ARHGAP12: variants seen among roughly 807,000 people sequenced by gnomAD.
The protein encoded by ARHGAP12 is rho GTPase-activating protein 12.
In ARHGAP12, 64 loss-of-function variants were observed where a neutral mutation model predicts 108.6. The ratio of observed to expected loss-of-function variants is 0.59; its 90% CI spans 0.48 to 0.73. The LOEUF (loss-of-function observed/expected upper bound fraction) is 0.73. Ranked by LOEUF, ARHGAP12 falls within the 30% of genes least tolerant of loss-of-function variation. The pLI is 0.00. For synonymous variants in ARHGAP12, 312 were observed against 337.2 expected, an observed-to-expected ratio of 0.93 and a Z score of 0.82; for missense variants, 940 against 1,005.9, an observed-to-expected ratio of 0.93 and a Z score of 0.89.
intron 3 of ARHGAP12, among the ~76,000 whole-genome samples, chr10:31,892,980 C>G (rs1235701379): frequency 1.3e-5 from 2 of 152,128 alleles, no homozygotes; most frequent in African/African-American, 4.8e-5. Context: ...GGAAACTGAA[C>G]AACCTGCTCC....
At position 31,820,406 on chromosome 10, in the gene ARHGAP12, C is replaced by T. The variant is rs746506245; in HGVS notation, c.1613G>A (p.Ser538Asn). 1 of 1,610,934 alleles carries T rather than the reference C, an allele frequency of 6.2e-7. No homozygotes were observed. Among genetic ancestry groups the T allele is most frequent in the Admixed American group, 1.7e-5 (1 of 59,604 alleles). Residue 538 changes from serine (S) to asparagine (N), a missense_variant, in exon 12 of 20, where the codon AGC becomes AAC. Ser to Asn is a conservative substitution (Grantham distance 46). Coordinates refer to ENST00000344936, the MANE Select transcript of ARHGAP12 (RefSeq NM_018287.7). ...TATTACCTCAAATACATTCTTTTTG[C>T]TGGATTTATCCTTTGAAGCCATCTC... ...TIEMASKDKS[S>N]KKNVFELKTR...
At chr10:31,883,124 C>T (rs1838046880) in intron 3 of ARHGAP12, among the ~76,000 whole-genome samples, 1 of 151,710 alleles carries the variant, frequency 6.6e-6, no homozygotes, top group African/African-American at 2.4e-5. Context: ...GGAGAAACCC[C>T]ATCTCTACTA....
intron 4 of ARHGAP12, among the ~76,000 whole-genome samples, chr10:31,854,663 T>C (rs1836820484): frequency 6.6e-6 from 1 of 152,164 alleles, no homozygotes; most frequent in Non-Finnish European, 1.5e-5. Flanking sequence ...TCAATAAATA[T>C]ATCTCAGACT....
intron 3 of ARHGAP12, among the ~76,000 whole-genome samples, chr10:31,882,457 CT>C (rs1208866927): frequency 1.3e-5 from 2 of 152,050 alleles, no homozygotes; most frequent in Non-Finnish European, 2.9e-5. Flanking sequence ...GGCCAATAAA[CT>C]TTTATGTTAC....
intron 9 of ARHGAP12, among the ~76,000 whole-genome samples, chr10:31,838,907 C>A (rs1019391685): frequency 2.0e-5 from 3 of 149,938 alleles, no homozygotes; most frequent in Non-Finnish European, 4.4e-5. Context: ...GAGGCTGAGA[C>A]GGGAGAATCA....
At chr10:31,902,325 T>G (rs1433345404) in intron 3 of ARHGAP12, among the ~76,000 whole-genome samples, 1 of 139,410 alleles carries the variant, frequency 7.2e-6, no homozygotes, top group African/African-American at 2.7e-5. Flanking sequence ...TAGATATCCA[T>G]AGGCAAAAAA....
At chr10:31,863,776 C>CTG (rs1837221145) in intron 3 of ARHGAP12, among the ~76,000 whole-genome samples, 1 of 152,036 alleles carries the variant, frequency 6.6e-6, no homozygotes, top group Non-Finnish European at 1.5e-5. Flanking sequence ...CATAGATAAA[C>CTG]ACGATCATCT....
chr10:31,826,108 A>C (rs1835595057), intron 11 of ARHGAP12, among the ~76,000 whole-genome samples, 196 bp downstream of exon 11: 1 of 152,182 alleles, frequency 6.6e-6, no homozygotes, highest in Non-Finnish European at 1.5e-5. Flanking sequence ...TTTTAATAAC[A>C]CCACTAATTA....
At chr10:31,886,649 T>C (rs1009752767) in intron 3 of ARHGAP12, among the ~76,000 whole-genome samples, 1 of 152,226 alleles carries the variant, frequency 6.6e-6, no homozygotes, top group African/African-American at 2.4e-5. Flanking sequence ...CTGTGCTATA[T>C]GAACATTTAT....
chr10:31,888,129 G>T (rs1221534353), intron 3 of ARHGAP12, among the ~76,000 whole-genome samples: 1 of 152,102 alleles, frequency 6.6e-6, no homozygotes, highest in African/African-American at 2.4e-5. Context: ...ATACATATAC[G>T]TGGGAAGACC....
intron 3 of ARHGAP12, among the ~76,000 whole-genome samples, chr10:31,879,841 C>A (rs947728095): frequency 6.6e-6 from 1 of 152,212 alleles, no homozygotes; most frequent in Non-Finnish European, 1.5e-5. Flanking sequence ...ATTCCAAGTT[C>A]TTAATGGTTA....
At chr10:31,890,739 T>C (rs530144575) in intron 3 of ARHGAP12, among the ~76,000 whole-genome samples, 172 of 152,292 alleles carry the variant, frequency 1.1e-3, no homozygotes, top group African/African-American at 4.0e-3. Flanking sequence ...TTCAGTACCA[T>C]CTATGTAGAA....
chr10:31,854,715 C>T (rs1836821654), intron 4 of ARHGAP12, among the ~76,000 whole-genome samples: 1 of 151,864 alleles, frequency 6.6e-6, no homozygotes, highest in Admixed American at 6.6e-5. Flanking sequence ...ATAAATTCTC[C>T]TAACTCATTC....
intron 11 of ARHGAP12, among the ~76,000 whole-genome samples, chr10:31,820,843 T>A (rs1175137025): frequency 6.6e-6 from 1 of 151,704 alleles, no homozygotes. Context: ...AAGTGGGATA[T>A]AAACTGGAAC....
intron 6 of ARHGAP12, among the ~76,000 whole-genome samples, chr10:31,844,529 A>C (rs1178133210): frequency 6.6e-6 from 1 of 152,034 alleles, no homozygotes; most frequent in Non-Finnish European, 1.5e-5. Context: ...AGATGACACA[A>C]ACCAATGCTT....
chr10:31,831,827 A>G, intron 9 of ARHGAP12, 27 bp from the exon 10 acceptor site: 3 of 1,419,494 alleles, frequency 2.1e-6, no homozygotes, highest in Non-Finnish European at 2.9e-6. Flanking sequence ...TACTGTTTAT[A>G]CAATCACATA....
chr10:31,920,105 C>CAA (rs568653205), intron 1 of ARHGAP12, among the ~76,000 whole-genome samples: 3 of 113,818 alleles, frequency 2.6e-5, no homozygotes, highest in Non-Finnish European at 3.7e-5. Context: ...GACTCTGTCT[C>CAA]AAAAAAAAAA....
Position 31,908,422 on chromosome 10 carries a change from G to T in ARHGAP12, c.434C>A (p.Thr145Asn), listed in dbSNP as rs370874078. The change falls in exon 3 of 20, where the codon ACT becomes AAT. Residue 145 changes from threonine (T) to asparagine (N), a missense_variant. Transcript: ENST00000344936. Reference protein sequence around the residue: ...NFGPSYNQGQTVNLSLDLTHN... With the variant: ...NFGPSYNQGQNVNLSLDLTHN... Reference sequence around the variant, plus strand: ...GGTCAGGTCCAGGCTTAGGTTGACAGTCTGACCTTGATTATAACTGGGTCC... The same window carrying T: ...GGTCAGGTCCAGGCTTAGGTTGACATTCTGACCTTGATTATAACTGGGTCC... 64 of 1,614,098 alleles carry T rather than the reference G, an allele frequency of 4.0e-5. No individual in the cohort carries two copies. The highest frequency in any genetic ancestry group is 5.3e-5 in the Non-Finnish European group (63 of 1,180,040).
intron 3 of ARHGAP12, among the ~76,000 whole-genome samples, chr10:31,872,715 T>G (rs1312465856): frequency 6.6e-6 from 1 of 152,160 alleles, no homozygotes; most frequent in Non-Finnish European, 1.5e-5. Flanking sequence ...CTCATCTGCT[T>G]AAAAACATCA....
Sources: allele counts gnomAD v4.1 joint callset (sites outside exome capture counted in the v4.1 genomes callset), GRCh38; gene constraint gnomAD v4.1.1; transcripts MANE v1.5; gene names NCBI Gene and HGNC (gene_info 2026-07-23, HGNC 2026-07-21).